CNTN4: variants seen among roughly 807,000 people sequenced by gnomAD.
CNTN4 encodes the protein contactin 4.
CNTN4 carries 77 observed loss-of-function variants against 122.5 expected under a neutral mutation model. That is an observed-to-expected ratio of 0.63 (90% CI 0.52 to 0.76). CNTN4 has a LOEUF of 0.76. Ranked by LOEUF, CNTN4 falls within the 30% of genes least tolerant of loss-of-function variation. CNTN4 has a pLI of 0.00. For synonymous variants in CNTN4, 512 were observed against 447.0 expected, an observed-to-expected ratio of 1.15 and a Z score of -1.83; for missense variants, 1,256 against 1,259.1, an observed-to-expected ratio of 1.00 and a Z score of 0.04.
intron 4 of CNTN4, among the ~76,000 whole-genome samples, chr3:2,652,741 T>C (rs1320859018): frequency 6.6e-6 from 1 of 152,206 alleles, no homozygotes; most frequent in East Asian, 1.9e-4. Context: ...TGATTTTTTA[T>C]AGTGCAGAGT....
In CNTN4 at chr3:3,043,599, T is replaced by C; in HGVS notation, c.2706T>C (p.Ser902=). ...VNVTTRKPPP[S]QPPGNIIWNS... Reference sequence around the variant, plus strand: ...ATCTTAATTTTTTTATAGCACCAAGTCAACCCCCCGGAAACATCATATGGA... The same window carrying C: ...ATCTTAATTTTTTTATAGCACCAAGCCAACCCCCCGGAAACATCATATGGA... Residue 902 remains serine, a synonymous_variant, in exon 23 of 25, where the codon AGT becomes AGC. Coordinates refer to ENST00000418658, the MANE Select transcript of CNTN4 (RefSeq NM_175607.3). The C allele has an allele frequency of 1.2e-6, 2 of 1,612,636 alleles. No homozygotes were observed. Among genetic ancestry groups the C allele is most frequent in the Non-Finnish European group, 1.7e-6 (2 of 1,178,660 alleles).
intron 2 of CNTN4, among the ~76,000 whole-genome samples, chr3:2,209,357 G>A (rs1232312938): frequency 6.6e-6 from 1 of 152,154 alleles, no homozygotes; most frequent in Non-Finnish European, 1.5e-5. Flanking sequence ...TAACTGCTAA[G>A]GAGCTTGGGA....
intron 6 of CNTN4, among the ~76,000 whole-genome samples, chr3:2,803,613 G>T (rs1202831567): frequency 6.6e-6 from 1 of 150,780 alleles, no homozygotes; most frequent in Non-Finnish European, 1.5e-5. Flanking sequence ...AGGCTGGAGT[G>T]CAGTGGCGTG....
chr3:2,754,753 A>G (rs1028870536), intron 6 of CNTN4, among the ~76,000 whole-genome samples: 1 of 152,004 alleles, frequency 6.6e-6, no homozygotes, highest in South Asian at 2.1e-4. Context: ...GTGAAAAAAA[A>G]AAAAAGAAAA....
At chr3:2,944,861 G>C (rs1335814263) in intron 13 of CNTN4, among the ~76,000 whole-genome samples, 4 of 152,198 alleles carry the variant, frequency 2.6e-5, no homozygotes, top group Admixed American at 6.5e-5. Flanking sequence ...TGAGCAGAGA[G>C]AGAAACTGTC....
intron 4 of CNTN4, among the ~76,000 whole-genome samples, chr3:2,664,468 A>G (rs1281708971): frequency 6.6e-6 from 1 of 151,950 alleles, no homozygotes; most frequent in Non-Finnish European, 1.5e-5. Flanking sequence ...GAATTTTATG[A>G]TAAGTAAGTT....
chr3:2,224,367 G>C (rs189911693), intron 2 of CNTN4, among the ~76,000 whole-genome samples: 1 of 152,140 alleles, frequency 6.6e-6, no homozygotes, highest in Admixed American at 6.5e-5. Flanking sequence ...GGCATCCCTG[G>C]ACGGAAATAG....
At chr3:2,364,102 G>A (rs890975879) in intron 3 of CNTN4, among the ~76,000 whole-genome samples, 1 of 151,920 alleles carries the variant, frequency 6.6e-6, no homozygotes, top group Non-Finnish European at 1.5e-5. Flanking sequence ...GTCTAGTTGG[G>A]GGCTTGGTTT....
chr3:2,894,382 A>G (rs2094082235), intron 10 of CNTN4, among the ~76,000 whole-genome samples: 1 of 152,326 alleles, frequency 6.6e-6, no homozygotes. Flanking sequence ...ACATTTTTTG[A>G]GAGGCTCTGG....
intron 3 of CNTN4, among the ~76,000 whole-genome samples, chr3:2,568,052 C>A (rs2079252419): frequency 6.6e-6 from 1 of 152,140 alleles, no homozygotes; most frequent in Admixed American, 6.6e-5. Context: ...TAGCACCGTG[C>A]CTGCCACATG....
chr3:2,176,356 C>G (rs2036748556), intron 2 of CNTN4, among the ~76,000 whole-genome samples: 1 of 152,080 alleles, frequency 6.6e-6, no homozygotes, highest in South Asian at 2.1e-4. Context: ...ATATATACCA[C>G]TTAGTGAGTG....
intron 2 of CNTN4, among the ~76,000 whole-genome samples, chr3:2,327,930 C>G (rs2043529245): frequency 6.6e-6 from 1 of 152,266 alleles, no homozygotes; most frequent in East Asian, 1.9e-4. Flanking sequence ...TTCCCCTCAC[C>G]CCTTCCCCAC....
At chr3:2,857,311 T>C (rs1285646219) in intron 7 of CNTN4, among the ~76,000 whole-genome samples, 3 of 152,256 alleles carry the variant, frequency 2.0e-5, no homozygotes, top group South Asian at 2.1e-4. Context: ...CTGAAAGTAT[T>C]CTATACTTGG....
intron 3 of CNTN4, among the ~76,000 whole-genome samples, chr3:2,438,329 C>T (rs1407721575): frequency 1.3e-5 from 2 of 152,160 alleles, no homozygotes; most frequent in Non-Finnish European, 2.9e-5. Flanking sequence ...GAAGACCAGG[C>T]TGGCCAACGT....
At chr3:2,469,695 A>G (rs1237983909) in intron 3 of CNTN4, among the ~76,000 whole-genome samples, 1 of 152,198 alleles carries the variant, frequency 6.6e-6, no homozygotes, top group Non-Finnish European at 1.5e-5. Flanking sequence ...CTAGAGGTAC[A>G]TTGTGTCAGT....
chr3:2,758,019 CT>C (rs945232311), intron 6 of CNTN4, among the ~76,000 whole-genome samples: 10 of 151,992 alleles, frequency 6.6e-5, no homozygotes, highest in African/African-American at 1.9e-4. Context: ...ATAGCCTCTA[CT>C]TTTTTTTCCC....
At chr3:3,050,970 C>G (rs1019392945) in intron 23 of CNTN4, among the ~76,000 whole-genome samples, 29 of 152,118 alleles carry the variant, frequency 1.9e-4, no homozygotes, top group African/African-American at 7.0e-4. Context: ...AGCCCACAGC[C>G]CACAGGCTAC....
chr3:2,540,107 A>G (rs1014228052), intron 3 of CNTN4, among the ~76,000 whole-genome samples: 6 of 151,380 alleles, frequency 4.0e-5, no homozygotes, highest in African/African-American at 1.5e-4. Context: ...ATCAGCAAAT[A>G]TTTTTTCAGC....
Position 2,887,334 on chromosome 3 carries a change from A to G in CNTN4, c.940+110A>G, listed in dbSNP as rs568232831. 2.3e-5 allele frequency: 23 copies of G among 993,256 alleles called. No homozygotes were observed. The East Asian group carries it at 5.9e-4, about 26-fold the overall frequency. 61.5% of individuals were successfully genotyped at this position (993,256 alleles called of 1,614,324 possible). A position where few individuals can be genotyped will look rare whatever the true frequency, so the allele number is the denominator to read the frequency against. ...TTTGGGAGAGATGGTGCAGAATAGGACTGTGTGAAACTCATGGTTTGCTCC... is the reference window on the plus strand; with the variant it reads ...TTTGGGAGAGATGGTGCAGAATAGGGCTGTGTGAAACTCATGGTTTGCTCC... On this transcript the variant is annotated intron_variant, in intron 10 of 24. Transcript: ENST00000418658.
Sources: gnomAD v4.1 joint callset for allele counts (sites outside exome capture counted in the v4.1 genomes callset) on GRCh38, gnomAD v4.1.1 for gene constraint, MANE v1.5 for transcripts, NCBI Gene and HGNC (gene_info 2026-07-23, HGNC 2026-07-21) for gene names.